Variants in NRG1 observed in about 807,000 individuals in gnomAD.
NRG1 encodes the protein neuregulin 1, also known as pro-neuregulin-1, membrane-bound isoform.
A neutral mutation model predicts 63.8 loss-of-function variants in NRG1; 18 were observed. The observed-to-expected ratio is 0.28, with a 90% CI of 0.19 to 0.42. NRG1 has a LOEUF of 0.42. Among genes scored for constraint, NRG1 ranks in the 10% least tolerant of loss-of-function variants. The probability of loss-of-function intolerance (pLI) is 1.00; values close to 1 mark genes in which losing one functional copy is unlikely to be tolerated. For synonymous variants in NRG1, 302 were observed against 301.3 expected (o/e 1.00, Z -0.02); for missense variants, 762 against 814.7 (o/e 0.94, Z 0.79).
chr8:32,542,190 T>C (rs1832642723), intron 1 of NRG1, among the ~76,000 whole-genome samples: 1 of 152,118 alleles, frequency 6.6e-6, no homozygotes, highest in Non-Finnish European at 1.5e-5. Flanking sequence ...GAAAAAAAAG[T>C]AATTATGCTT....
rs117818093 is a variant in NRG1, at chr8:31,684,431, A to G, written c.37+45000A>G. On this transcript the variant is annotated intron_variant, in intron 1 of 10. Transcript: ENST00000519301. ...TGCCATCTTGGAAACAGCACTCGTC[A>G]GACATTAATTCTGCTGGGACCTTGA... Among the ~76,000 whole-genome samples the G allele has an allele frequency of 0.013, 2,003 of 152,328 alleles. 63 individuals are homozygous for G. In the South Asian group the frequency reaches 0.14, roughly 11 times the overall value.
intron 5 of NRG1, among the ~76,000 whole-genome samples, chr8:32,693,738 T>C (rs1812500844): frequency 6.6e-6 from 1 of 152,156 alleles, no homozygotes; most frequent in African/African-American, 2.4e-5. Context: ...TTAATGTGTA[T>C]ATTAGTTTTC....
At chr8:31,662,607 T>C (rs1806105661) in intron 1 of NRG1, among the ~76,000 whole-genome samples, 1 of 152,168 alleles carries the variant, frequency 6.6e-6, no homozygotes, top group South Asian at 2.1e-4. Flanking sequence ...GTGAGATAGA[T>C]GCAATGGTAA....
intron 1 of NRG1, among the ~76,000 whole-genome samples, chr8:31,688,953 GA>G (rs888532122): frequency 7.9e-5 from 12 of 152,140 alleles, no homozygotes; most frequent in African/African-American, 2.9e-4. Flanking sequence ...AGGTTCAGGG[GA>G]CAATCTGTTT....
chr8:32,478,387 C>T (rs956728484), intron 1 of NRG1, among the ~76,000 whole-genome samples: 3 of 152,198 alleles, frequency 2.0e-5, no homozygotes, highest in African/African-American at 7.2e-5. Flanking sequence ...ATCCACCCTA[C>T]ATTCAAATGT....
At chr8:32,664,405 C>T (rs1178287762) in intron 5 of NRG1, among the ~76,000 whole-genome samples, 1 of 151,878 alleles carries the variant, frequency 6.6e-6, no homozygotes, top group Non-Finnish European at 1.5e-5. Context: ...ACATATGATT[C>T]TGATGGGTGT....
chr8:32,456,592 A>G (rs116665100), intron 1 of NRG1, among the ~76,000 whole-genome samples: 2,740 of 152,316 alleles, frequency 0.018, 75 homozygotes, highest in African/African-American at 0.061. Context: ...GATTTTCTCA[A>G]TAAGTTTCCT....
chr8:32,554,915 T>TTCTCTC (rs71208194), intron 1 of NRG1, among the ~76,000 whole-genome samples: 13 of 147,116 alleles, frequency 8.8e-5, no homozygotes, highest in East Asian at 2.0e-4. Context: ...TGCTTTTTTC[T>TTCTCTC]TCTCTCTCTC....
At chr8:31,856,106 TGGA>T (rs1423754626) in intron 1 of NRG1, among the ~76,000 whole-genome samples, 1 of 151,688 alleles carries the variant, frequency 6.6e-6, no homozygotes, top group Non-Finnish European at 1.5e-5. Flanking sequence ...GTTGCTCTTC[TGGA>T]GGAGTATCTT....
chr8:32,021,817 G>A (rs1057407195), intron 1 of NRG1, among the ~76,000 whole-genome samples: 8 of 151,928 alleles, frequency 5.3e-5, no homozygotes, highest in Non-Finnish European at 1.0e-4. Flanking sequence ...AATATTCATT[G>A]GTATTATTTT....
chr8:32,626,360 T>G lies in NRG1; in HGVS notation c.502+9475T>G, dbSNP rs552039817. ...AAGAGGAAGACTTTCAAATTAAGTT[T>G]TTTTTTTTTTTTGTAATATTCCTTA... On this transcript the variant is annotated intron_variant, in intron 5 of 11. Coordinates refer to ENST00000356819, the Ensembl canonical transcript of NRG1. Among the ~76,000 whole-genome samples, 621 of 151,820 alleles carry G rather than the reference T, an allele frequency of 4.1e-3. 4 individuals are homozygous for G. The highest frequency in any genetic ancestry group is 0.014 in the African/African-American group (590 of 41,442).
intron 1 of NRG1, among the ~76,000 whole-genome samples, chr8:32,408,923 T>C (rs1272929770): frequency 6.6e-6 from 1 of 152,142 alleles, no homozygotes; most frequent in Non-Finnish European, 1.5e-5. Context: ...CAATGTCTAT[T>C]ATTCCACCCT....
At chr8:32,728,124 T>A in intron 6 of NRG1, 46 bp downstream of exon 6, 1 of 1,608,256 alleles carries the variant, frequency 6.2e-7, no homozygotes, top group East Asian at 2.2e-5. Context: ...TAACTCCTTG[T>A]TTCAGATGAT....
rs978633792 is a variant in NRG1, at chr8:32,185,007, G to T, written c.38-410821G>T. On this transcript the variant is annotated intron_variant, in intron 1 of 10. Transcript: ENST00000519301. ...GTCCTGCCTTGTAGATGACATTCTG[G>T]AGACTTTTGTGTGTAAATGAATGAT... Among the ~76,000 whole-genome samples, 43 of 152,164 alleles carry T rather than the reference G, an allele frequency of 2.8e-4. 1 individual carries two copies. Among genetic ancestry groups the T allele is most frequent in the Admixed American group, 5.9e-4 (9 of 15,272 alleles).
chr8:32,105,975 A>G (rs922608749), intron 1 of NRG1, among the ~76,000 whole-genome samples: 6 of 152,198 alleles, frequency 3.9e-5, no homozygotes, highest in African/African-American at 1.4e-4. Context: ...TTATCCCACT[A>G]TAGAGAGCCA....
intron 1 of NRG1, among the ~76,000 whole-genome samples, chr8:32,113,265 C>G (rs749555056): frequency 6.6e-6 from 1 of 152,134 alleles, no homozygotes; most frequent in Non-Finnish European, 1.5e-5. Flanking sequence ...GTGAGAGGCA[C>G]GGGGAAGCCA....
chr8:31,962,727 C>T (rs1366938906), intron 1 of NRG1, among the ~76,000 whole-genome samples: 1 of 152,100 alleles, frequency 6.6e-6, no homozygotes, highest in African/African-American at 2.4e-5. Flanking sequence ...CTGTTTCTTC[C>T]CAGGACTGCT....
rs565056292 is a variant in NRG1 at position 31,969,714 on chromosome 8, A to G, written c.37+330283A>G. ...CTTTGCTCTACTCCCTTACACAGAA[A>G]CCTAATTTACCTGTTTCTTTCTTAA... On this transcript the variant is annotated intron_variant, in intron 1 of 10. Coordinates refer to the NRG1 transcript ENST00000519301. Among the ~76,000 whole-genome samples, 4 of 152,190 alleles carry G rather than the reference A, an allele frequency of 2.6e-5. No homozygotes were observed. The South Asian group carries it at 8.3e-4, about 32-fold the overall frequency.
At position 31,937,559 on chromosome 8, in the gene NRG1, A is replaced by T. The variant is rs187460183; in HGVS notation, c.37+298128A>T. Reference sequence around the variant, plus strand: ...GGATCATCTTTGCAGACTCCCTGAGATGTCGAAAAACTGTGAGTCTGCTTG... The same window carrying T: ...GGATCATCTTTGCAGACTCCCTGAGTTGTCGAAAAACTGTGAGTCTGCTTG... On this transcript the variant is annotated intron_variant, in intron 1 of 10. Transcript: ENST00000519301. 5.3e-5 allele frequency among the ~76,000 whole-genome samples: 8 copies of T among 152,286 alleles called. No individual in the cohort carries two copies. The East Asian group carries it at 1.5e-3, about 29-fold the overall frequency.
Sources: allele counts gnomAD v4.1 joint callset (sites outside exome capture counted in the v4.1 genomes callset), GRCh38; gene constraint gnomAD v4.1.1; transcripts MANE v1.5; gene names NCBI Gene and HGNC (gene_info 2026-07-23, HGNC 2026-07-21).